The following ICA1 variants were observed in gnomAD, a reference collection of about 807,000 sequenced individuals.
The protein encoded by ICA1 is 69 kDa islet cell autoantigen.
Under a neutral mutation model 71.0 loss-of-function variants are expected in ICA1, and 40 were observed. The ratio of observed to expected loss-of-function variants is 0.56; its 90% CI spans 0.44 to 0.73. The LOEUF (loss-of-function observed/expected upper bound fraction) is 0.73. Ranked by LOEUF, ICA1 falls within the 30% of genes least tolerant of loss-of-function variation. The pLI is 0.00. For synonymous variants in ICA1, 207 were observed against 209.5 expected (o/e 0.99, Z 0.10); for missense variants, 578 against 576.5 (o/e 1.00, Z -0.03).
chr7:8,174,771 A>ACAAAAAACAAAAAACC (rs370062102), intron 6 of ICA1, among the ~76,000 whole-genome samples: 29 of 106,064 alleles, frequency 2.7e-4, no homozygotes, highest in Middle Eastern at 5.3e-3. Flanking sequence ...AAAAAAAAAA[A>ACAAAAAACAAAAAACC]AAAAAAAACA....
At chr7:8,148,606 T>G (rs1310060953) in intron 8 of ICA1, among the ~76,000 whole-genome samples, 1 of 152,160 alleles carries the variant, frequency 6.6e-6, no homozygotes, top group African/African-American at 2.4e-5. Flanking sequence ...AAAGTCACAG[T>G]TTCCCAAGAA....
chr7:8,143,217 G>A (rs1795806941), intron 9 of ICA1, among the ~76,000 whole-genome samples: 1 of 152,184 alleles, frequency 6.6e-6, no homozygotes, highest in South Asian at 2.1e-4. Flanking sequence ...CTCAATGTAT[G>A]AGAAAGGGAA....
At chr7:8,191,271 T>C (rs1054534083) in intron 6 of ICA1, among the ~76,000 whole-genome samples, 2 of 152,312 alleles carry the variant, frequency 1.3e-5, no homozygotes, top group Non-Finnish European at 1.5e-5. Context: ...AGCTACAACA[T>C]AAATACAGTA....
chr7:8,183,444 G>A (rs1013750647), intron 6 of ICA1, among the ~76,000 whole-genome samples: 6 of 152,190 alleles, frequency 3.9e-5, no homozygotes, highest in Non-Finnish European at 8.8e-5. Context: ...GTTAGAGGGA[G>A]ATATAGAAGG....
chr7:8,215,465 T>G (rs1325924893), intron 6 of ICA1, among the ~76,000 whole-genome samples: 2 of 151,952 alleles, frequency 1.3e-5, no homozygotes, highest in African/African-American at 4.8e-5. Flanking sequence ...CTGTTCACCA[T>G]GCGCCACCAC....
chr7:8,235,881 C>A (rs1384492823), intron 2 of ICA1, 29 bp downstream of exon 2: 1 of 1,607,610 alleles, frequency 6.2e-7, no homozygotes, highest in South Asian at 1.1e-5. Context: ...TCTACTTTCC[C>A]AATTCAGAAA....
At chr7:8,240,613 C>T (rs1803458290) in intron 1 of ICA1, among the ~76,000 whole-genome samples, 1 of 152,006 alleles carries the variant, frequency 6.6e-6, no homozygotes, top group African/African-American at 2.4e-5. Context: ...ACAAACTTCT[C>T]CGAGCTAAAG....
In ICA1 at chr7:8,113,927, G is replaced by T; in HGVS notation, c.1448C>A (p.Ala483Glu). 1 of 1,614,170 alleles carries T rather than the reference G, an allele frequency of 6.2e-7. No homozygotes were observed. Among genetic ancestry groups the T allele is most frequent in the Non-Finnish European group, 8.5e-7 (1 of 1,180,020 alleles). Residue 483 changes from alanine to glutamate, a missense_variant, in exon 14 of 14, where the codon GCA (alanine) becomes GAA (glutamate). Coordinates refer to ENST00000402384, the MANE Select transcript of ICA1 (RefSeq NM_001136020.3). The surrounding 1 kb of genome is among the most constrained non-coding windows in gnomAD (Gnocchi z 4.2). The stretch of plus-strand genomic sequence containing the variant: ...GCCCTCCCGAAGGGTACAGATTCAT[G>T]CATTGAGCAATTCGTGTTCTTTATC... ...KTDKEHELLN[A>E]
At chr7:8,255,579 T>C (rs977876339) in intron 1 of ICA1, among the ~76,000 whole-genome samples, 2 of 152,120 alleles carry the variant, frequency 1.3e-5, no homozygotes, top group East Asian at 3.9e-4. Context: ...CACACACCTC[T>C]CCAGGGCACC....
chr7:8,228,533 T>G, intron 4 of ICA1, 68 bp downstream of exon 4: 2 of 902,390 alleles, frequency 2.2e-6, no homozygotes, highest in East Asian at 5.3e-5. Context: ...TATGAAATGA[T>G]GTATCAAGAC....
At chr7:8,206,910 C>T (rs934364061) in intron 6 of ICA1, among the ~76,000 whole-genome samples, 1 of 152,158 alleles carries the variant, frequency 6.6e-6, no homozygotes, top group African/African-American at 2.4e-5. Flanking sequence ...TTTCCAAGTC[C>T]GTTCGCCTGA....
At chr7:8,127,432 G>C (rs886638489) in intron 13 of ICA1, among the ~76,000 whole-genome samples, 4 of 152,118 alleles carry the variant, frequency 2.6e-5, no homozygotes, top group Non-Finnish European at 5.9e-5. Flanking sequence ...AGGATAGAAA[G>C]GGAGCAGAAA....
intron 2 of ICA1, among the ~76,000 whole-genome samples, chr7:8,233,931 A>G (rs537551011): frequency 3.3e-5 from 5 of 152,328 alleles, no homozygotes; most frequent in Admixed American, 1.3e-4. Flanking sequence ...TGGAGAAAAA[A>G]TTAGAAACTG....
chr7:8,200,458 G>A (rs996433601), intron 6 of ICA1, among the ~76,000 whole-genome samples: 1 of 149,854 alleles, frequency 6.7e-6, no homozygotes, highest in East Asian at 2.0e-4. Context: ...GATTAAAGAA[G>A]TGGCCATAAG....
intron 12 of ICA1, among the ~76,000 whole-genome samples, chr7:8,135,473 AG>A (rs1164921487): frequency 6.6e-6 from 1 of 152,228 alleles, no homozygotes. Flanking sequence ...GACAGAGAGG[AG>A]GGAAAGTTCA....
chr7:8,251,376 C>T (rs1172378857), intron 1 of ICA1, among the ~76,000 whole-genome samples: 1 of 150,660 alleles, frequency 6.6e-6, no homozygotes, highest in African/African-American at 2.5e-5. Context: ...AAATCCATGA[C>T]TATGTCACAC....
chr7:8,234,286 A>G lies in ICA1; in HGVS notation c.18-1531T>C, dbSNP rs1040291650. Among the ~76,000 whole-genome samples, 1 of 152,190 alleles carries G rather than the reference A, an allele frequency of 6.6e-6. No homozygotes were observed. Among genetic ancestry groups the G allele is most frequent in the African/African-American group, 2.4e-5 (1 of 41,460 alleles). On this transcript the variant is annotated intron_variant, in intron 2 of 13. Transcript: ENST00000402384. This position sits in a 1 kb window ranked among gnomAD's most constrained non-coding sequence, Gnocchi z 4.5. ...AATTGAAAATGAAATGGAATTGTGT[A>G]AAAGTGATTGGAGTACCCCAAATAT...
In ICA1 at chr7:8,199,878, G is replaced by C. The variant is rs543220407; in HGVS notation, c.579+18427C>G. ...ACATCAAAACAATTGAACTCATGGAGACAGAGAGTAGGATGGTTACCAGAG... is the reference window on the plus strand; with the variant it reads ...ACATCAAAACAATTGAACTCATGGACACAGAGAGTAGGATGGTTACCAGAG... On this transcript the variant is annotated intron_variant, in intron 6 of 13. Coordinates refer to ENST00000402384, the MANE Select transcript of ICA1 (RefSeq NM_001136020.3). Among the ~76,000 whole-genome samples the C allele has an allele frequency of 2.0e-5, 3 of 152,268 alleles. No individual in the cohort carries two copies. The South Asian group carries it at 6.2e-4, about 32-fold the overall frequency.
intron 6 of ICA1, among the ~76,000 whole-genome samples, chr7:8,180,296 G>C (rs1371957828): frequency 6.6e-6 from 1 of 152,006 alleles, no homozygotes; most frequent in African/African-American, 2.4e-5. Flanking sequence ...GTGATATCTA[G>C]TTTCTTTCAT....
Sources: gnomAD v4.1 joint callset for allele counts (sites outside exome capture counted in the v4.1 genomes callset) on GRCh38, gnomAD v4.1.1 for gene constraint, Gnocchi (gnomAD v3.1) non-coding constraint, MANE v1.5 for transcripts, NCBI Gene and HGNC (gene_info 2026-07-23, HGNC 2026-07-21) for gene names.